Variants in TNNI3K observed in about 807,000 individuals in gnomAD.
TNNI3K encodes the protein serine/threonine-protein kinase TNNI3K.
Under a neutral mutation model 114.5 loss-of-function variants are expected in TNNI3K, and 140 were observed. The observed-to-expected ratio is 1.22, with a 90% CI of 1.07 to 1.41. TNNI3K has a LOEUF of 1.41. Among genes scored for constraint, TNNI3K ranks in the 40% most tolerant of loss-of-function variants. The pLI is 0.00. For synonymous variants in TNNI3K, 347 were observed against 347.5 expected (o/e 1.00, Z 0.02); for missense variants, 1,125 against 1,007.6 (o/e 1.12, Z -1.58).
At chr1:74,443,573 C>G (rs1431544238) in intron 20 of TNNI3K, among the ~76,000 whole-genome samples, 1 of 152,100 alleles carries the variant, frequency 6.6e-6, no homozygotes, top group Non-Finnish European at 1.5e-5. Flanking sequence ...TGAATTCTAC[C>G]TGAGGTACAA....
chr1:74,261,680 T>A (rs759332920), intron 4 of TNNI3K, among the ~76,000 whole-genome samples: 2 of 152,158 alleles, frequency 1.3e-5, no homozygotes, highest in African/African-American at 2.4e-5. Flanking sequence ...TAATTTAGCC[T>A]TACATGTAAC....
At chr1:74,273,246 A>T (rs558182763) in intron 5 of TNNI3K, among the ~76,000 whole-genome samples, 59 of 151,942 alleles carry the variant, frequency 3.9e-4, no homozygotes, top group African/African-American at 1.4e-3. Flanking sequence ...TTTCCATATC[A>T]CCTTATTTCC....
At position 74,240,118 on chromosome 1, in the gene TNNI3K, T is replaced by A. The variant is rs1041359974; in HGVS notation, c.149+3908T>A. ...CACTTACTACATGGTGTTGTTTTTA[T>A]CCATTTATAGGTCTATCTCCCCACT... On this transcript the variant is annotated intron_variant, in intron 2 of 24. Transcript: ENST00000326637. 6 of 300,868 alleles carry A rather than the reference T, an allele frequency of 2.0e-5. No individual in the cohort carries two copies. The Admixed American group carries it at 2.4e-4, about 12-fold the overall frequency. 18.6% of individuals were successfully genotyped at this position (300,868 alleles called of 1,614,324 possible). A position where few individuals can be genotyped will look rare whatever the true frequency, so the allele number is the denominator to read the frequency against.
intron 23 of TNNI3K, among the ~76,000 whole-genome samples, chr1:74,529,286 C>G (rs1022580395): frequency 6.6e-6 from 1 of 152,058 alleles, no homozygotes; most frequent in Non-Finnish European, 1.5e-5. Context: ...TGATGGGACA[C>G]AATGAAAGAA....
At chr1:74,385,371 T>A (rs1292630853) in intron 17 of TNNI3K, among the ~76,000 whole-genome samples, 1 of 152,190 alleles carries the variant, frequency 6.6e-6, no homozygotes. Flanking sequence ...TTTAAGTAGA[T>A]GTAGTTCTTC....
chr1:74,292,450 A>T (rs190622764), intron 5 of TNNI3K, among the ~76,000 whole-genome samples: 7 of 151,628 alleles, frequency 4.6e-5, no homozygotes, highest in African/African-American at 1.7e-4. Flanking sequence ...TCTACTAGAA[A>T]TTCTTTTTGG....
chr1:74,286,342 C>A (rs1657332895), intron 5 of TNNI3K, among the ~76,000 whole-genome samples: 1 of 152,086 alleles, frequency 6.6e-6, no homozygotes, highest in Non-Finnish European at 1.5e-5. Flanking sequence ...CCCCTGTAGC[C>A]TGTGGCCTCA....
At chr1:74,440,668 C>T (rs543559666) in intron 20 of TNNI3K, among the ~76,000 whole-genome samples, 18 of 152,134 alleles carry the variant, frequency 1.2e-4, no homozygotes, top group South Asian at 2.1e-4. Flanking sequence ...GTTTGTTAAG[C>T]GTAATGATGA....
chr1:74,540,279 A>G lies in TNNI3K; in HGVS notation c.2397A>G (p.Lys799=). 6.2e-7 allele frequency: 1 copy of G among 1,612,746 alleles called. No individual in the cohort carries two copies. Residue 799 remains lysine, a synonymous_variant, in exon 24 of 25, where the codon AAA becomes AAG. Coordinates refer to ENST00000326637, the MANE Select transcript of TNNI3K (RefSeq NM_015978.3). The part of the protein sequence containing the change: ...SSQGLSLEEM[K]RSLQYTPIDK... Reference sequence around the variant, plus strand: ...AAGGTCTGTCTTTGGAGGAGATGAAAAGAAGTCTTCAATACACACCCATTG... The same window carrying G: ...AAGGTCTGTCTTTGGAGGAGATGAAGAGAAGTCTTCAATACACACCCATTG...
chr1:74,405,975 C>T (rs1180824140), intron 17 of TNNI3K, among the ~76,000 whole-genome samples: 2 of 152,190 alleles, frequency 1.3e-5, no homozygotes, highest in African/African-American at 2.4e-5. Flanking sequence ...AAGCAACATA[C>T]ATTTATCATC....
chr1:74,381,416 G>A (rs996795292), intron 17 of TNNI3K, among the ~76,000 whole-genome samples: 6 of 152,028 alleles, frequency 3.9e-5, no homozygotes, highest in South Asian at 2.1e-4. Flanking sequence ...TTATTCTTTC[G>A]AAAGAATCTT....
chr1:74,447,944 GT>G (rs1666777331), intron 20 of TNNI3K, among the ~76,000 whole-genome samples: 1 of 12,694 alleles, frequency 7.9e-5, no homozygotes, highest in Non-Finnish European at 1.5e-4. Context: ...AAAATGATGA[GT>G]TCATATCCTT....
intron 17 of TNNI3K, among the ~76,000 whole-genome samples, chr1:74,407,409 T>C (rs1000057950): frequency 3.3e-5 from 5 of 152,326 alleles, no homozygotes; most frequent in African/African-American, 7.2e-5. Context: ...GGAAATAGTA[T>C]AGAAGTTATC....
Position 74,235,500 on chromosome 1 carries a change from T to G in TNNI3K, c.40+9T>G. On this transcript the variant is annotated intron_variant, in intron 1 of 24. Coordinates refer to ENST00000326637, the MANE Select transcript of TNNI3K (RefSeq NM_015978.3). ...AACCCAAACTTGTACTGGTAATTAT[T>G]CTAATTATTCTTATTTCCTTAAGTG... 2.2e-6 allele frequency: 3 copies of G among 1,349,866 alleles called. No homozygotes were observed. Among genetic ancestry groups the G allele is most frequent in the Non-Finnish European group, 3.1e-6 (3 of 963,668 alleles). The allele number at this position is 1,349,866 out of a possible 1,614,324, so 83.6% of individuals were successfully genotyped here.
At chr1:74,291,322 G>C (rs1251182662) in intron 5 of TNNI3K, among the ~76,000 whole-genome samples, 1 of 151,392 alleles carries the variant, frequency 6.6e-6, no homozygotes, top group Non-Finnish European at 1.5e-5. Context: ...ATATTTTTGT[G>C]ACTTTATTAT....
At chr1:74,269,401 G>T (rs1175385450) in intron 4 of TNNI3K, among the ~76,000 whole-genome samples, 1 of 151,834 alleles carries the variant, frequency 6.6e-6, no homozygotes, top group African/African-American at 2.4e-5. Flanking sequence ...TATTTGTTTA[G>T]CATATAAAGG....
intron 17 of TNNI3K, among the ~76,000 whole-genome samples, chr1:74,422,992 C>A (rs1315830897): frequency 6.6e-6 from 1 of 152,096 alleles, no homozygotes; most frequent in East Asian, 1.9e-4. Context: ...GTAACCTGAT[C>A]ACATAAAGAC....
rs548378187 is a variant in TNNI3K, at chr1:74,250,840, T to C, written c.333+71T>C. 0.051 allele frequency: 72,326 copies of C among 1,406,408 alleles called. 2,405 individuals carry two copies. The highest frequency in any genetic ancestry group is 0.056 in the Non-Finnish European group (59,222 of 1,060,828). 87.1% of individuals were successfully genotyped at this position (1,406,408 alleles called of 1,614,324 possible). A position where few individuals can be genotyped will look rare whatever the true frequency, so the allele number is the denominator to read the frequency against. ...AGTGTGTATCTTTAGGCTTTTTTTT[T>C]TTTTTTTCAAATTAGTAATCATGGA... On this transcript the variant is annotated intron_variant, in intron 4 of 24. Coordinates refer to ENST00000326637, the MANE Select transcript of TNNI3K (RefSeq NM_015978.3).
At chr1:74,417,846 T>C (rs1181002489) in intron 17 of TNNI3K, among the ~76,000 whole-genome samples, 1 of 152,036 alleles carries the variant, frequency 6.6e-6, no homozygotes, top group East Asian at 1.9e-4. Flanking sequence ...ACTCATTGCA[T>C]TATTCTGTTT....
Sources: gnomAD v4.1 joint callset for allele counts (sites outside exome capture counted in the v4.1 genomes callset) on GRCh38, gnomAD v4.1.1 for gene constraint, MANE v1.5 for transcripts, NCBI Gene and HGNC (gene_info 2026-07-23, HGNC 2026-07-21) for gene names.